PLD1: variants seen among roughly 807,000 people sequenced by gnomAD.
PLD1 encodes the protein phospholipase D1, also known as choline phosphatase 1.
PLD1 carries 112 observed loss-of-function variants against 137.1 expected under a neutral mutation model. The ratio of observed to expected loss-of-function variants is 0.82; its 90% CI spans 0.70 to 0.96. PLD1 has a LOEUF of 0.96. PLD1 is among the 40% of genes least tolerant of loss of function. PLD1 has a pLI of 0.00. For missense variants in PLD1, 1,321 were observed against 1,342.0 expected, an observed-to-expected ratio of 0.98 and a Z score of 0.24; for synonymous variants, 431 against 454.7, an observed-to-expected ratio of 0.95 and a Z score of 0.66.
At chr3:171,742,403 A>G (rs1201543159) in intron 1 of PLD1, among the ~76,000 whole-genome samples, 2 of 152,174 alleles carry the variant, frequency 1.3e-5, no homozygotes, top group Admixed American at 1.3e-4. Flanking sequence ...AAAGTAAAAC[A>G]ATTTTTAAAA....
intron 23 of PLD1, among the ~76,000 whole-genome samples, chr3:171,631,434 CAAGA>C (rs1429627790): frequency 6.8e-6 from 1 of 146,648 alleles, no homozygotes; most frequent in Non-Finnish European, 1.5e-5. Context: ...ATCCACATGA[CAAGA>C]AAGAGAGAGA....
At chr3:171,618,002 T>C (rs1177364971) in intron 24 of PLD1, among the ~76,000 whole-genome samples, 2 of 152,162 alleles carry the variant, frequency 1.3e-5, no homozygotes, top group Admixed American at 6.5e-5. Context: ...GTGAATGTGT[T>C]AGAACAGTAA....
intron 22 of PLD1, 141 bp downstream of exon 22, chr3:171,644,769 G>T: frequency 1.6e-6 from 1 of 620,716 alleles, no homozygotes; most frequent in Admixed American, 2.6e-5. Context: ...CTAGCAAACG[G>T]GCCAAGATTT....
intron 11 of PLD1, among the ~76,000 whole-genome samples, chr3:171,704,208 G>A (rs1716476937): frequency 6.6e-6 from 1 of 152,120 alleles, no homozygotes; most frequent in Non-Finnish European, 1.5e-5. Flanking sequence ...TCCCAGAAGG[G>A]CCACTAGGTG....
At chr3:171,730,831 G>A (rs1045469288) in intron 6 of PLD1, among the ~76,000 whole-genome samples, 13 of 152,070 alleles carry the variant, frequency 8.5e-5, no homozygotes, top group African/African-American at 3.1e-4. Context: ...TAGAGATGAG[G>A]TTTCACCATG....
chr3:171,702,989 A>G (rs2108548781), intron 11 of PLD1, among the ~76,000 whole-genome samples: 1 of 152,328 alleles, frequency 6.6e-6, no homozygotes, highest in African/African-American at 2.4e-5. Flanking sequence ...AGCAACTTAG[A>G]AAAATAATAC....
chr3:171,800,606 G>A (rs1395538352), intron 1 of PLD1, among the ~76,000 whole-genome samples: 1 of 152,224 alleles, frequency 6.6e-6, no homozygotes, highest in Non-Finnish European at 1.5e-5. Context: ...GAAGTCTGCT[G>A]TCTACATCCC....
intron 25 of PLD1, among the ~76,000 whole-genome samples, chr3:171,605,726 T>C (rs1185169792): frequency 2.0e-5 from 3 of 152,216 alleles, no homozygotes; most frequent in Non-Finnish European, 4.4e-5. Flanking sequence ...AAAAAGCACT[T>C]CCACCTTAAT....
intron 1 of PLD1, among the ~76,000 whole-genome samples, chr3:171,744,363 C>T (rs1173832017): frequency 6.6e-6 from 1 of 152,168 alleles, no homozygotes; most frequent in South Asian, 2.1e-4. Flanking sequence ...ATCACCCAGC[C>T]GCCTTTCCTG....
intron 1 of PLD1, among the ~76,000 whole-genome samples, chr3:171,794,483 T>C (rs904737633): frequency 6.6e-6 from 1 of 152,192 alleles, no homozygotes; most frequent in Non-Finnish European, 1.5e-5. Context: ...GTGCATCTTT[T>C]CCCAATTCAC....
intron 1 of PLD1, among the ~76,000 whole-genome samples, chr3:171,743,915 C>G (rs1357776991): frequency 6.6e-6 from 1 of 152,178 alleles, no homozygotes. Flanking sequence ...AATCAATGAG[C>G]TGTCCATAGA....
At chr3:171,636,328 T>C (rs1735131438) in intron 23 of PLD1, among the ~76,000 whole-genome samples, 1 of 152,090 alleles carries the variant, frequency 6.6e-6, no homozygotes, top group Non-Finnish European at 1.5e-5. Context: ...GTTGGGGTTT[T>C]GGTAGGGATT....
At position 171,603,170 on chromosome 3, in the gene PLD1, C is replaced by A; in HGVS notation, c.3133G>T (p.Val1045Leu). The change falls in exon 27 of 27, where the codon GTG becomes TTG. Residue 1045 changes from valine (V) to leucine (L), a missense_variant. Transcript: ENST00000351298. The part of the protein sequence containing the change: ...EELKKIRGFL[V>L]QFPFYFLSEE... Reference sequence around the variant, plus strand: ...GACAAGAAATAAAAGGGGAATTGCACCAAAAATCCACGGATCTTCTTCAGT... The same window carrying A: ...GACAAGAAATAAAAGGGGAATTGCAACAAAAATCCACGGATCTTCTTCAGT... 1 of 1,614,078 alleles carries A rather than the reference C, an allele frequency of 6.2e-7. No individual in the cohort carries two copies. The highest frequency in any genetic ancestry group is 8.5e-7 in the Non-Finnish European group (1 of 1,179,982).
intron 6 of PLD1, among the ~76,000 whole-genome samples, chr3:171,731,781 A>C (rs2108254960): frequency 6.6e-6 from 1 of 152,296 alleles, no homozygotes; most frequent in African/African-American, 2.4e-5. Context: ...CAAAAAAGAA[A>C]AAAAAAAGAA....
chr3:171,718,052 A>T (rs1342421811), intron 8 of PLD1, among the ~76,000 whole-genome samples: 2 of 152,238 alleles, frequency 1.3e-5, no homozygotes, highest in Non-Finnish European at 2.9e-5. Context: ...ATGTTGAACC[A>T]TATAGAGAAG....
chr3:171,728,599 A>T (rs1718710184), intron 6 of PLD1, among the ~76,000 whole-genome samples: 2 of 152,236 alleles, frequency 1.3e-5, no homozygotes, highest in African/African-American at 4.8e-5. Context: ...TAACTAACTT[A>T]TGCAAAGTCC....
At chr3:171,749,105 G>T (rs902495717) in intron 1 of PLD1, among the ~76,000 whole-genome samples, 13 of 152,112 alleles carry the variant, frequency 8.5e-5, no homozygotes, top group African/African-American at 3.1e-4. Flanking sequence ...AATTGTAATT[G>T]TTTTAAGAAA....
intron 8 of PLD1, among the ~76,000 whole-genome samples, chr3:171,724,346 T>C (rs59614912): frequency 0.33 from 49,766 of 152,090 alleles, 8,714 homozygotes; most frequent in African/African-American, 0.4. Flanking sequence ...GCCATCCTTA[T>C]GGGTGTGAAA....
chr3:171,688,828 G>A lies in PLD1; in HGVS notation c.1387C>T (p.His463Tyr), dbSNP rs748727583. The change falls in exon 14 of 27, where the codon CAC becomes TAC. Residue 463 changes from histidine (H) to tyrosine (Y), a missense_variant. Physicochemically the swap from His to Tyr is moderately conservative, Grantham distance 83. Coordinates refer to ENST00000351298, the MANE Select transcript of PLD1 (RefSeq NM_002662.5). Reference protein sequence around the residue: ...HVSSTVYLWAHHEKLVIIDQS... With the variant: ...HVSSTVYLWAYHEKLVIIDQS... ...TCAATGATGACAAGCTTCTCATGGTGAGCCCACAAATAGACGGTGGATGAC... is the reference window on the plus strand; with the variant it reads ...TCAATGATGACAAGCTTCTCATGGTAAGCCCACAAATAGACGGTGGATGAC... 4.3e-6 allele frequency: 7 copies of A among 1,614,044 alleles called. No homozygotes were observed. The East Asian group carries it at 8.9e-5, about 21-fold the overall frequency.
Sources: allele counts gnomAD v4.1 joint callset (sites outside exome capture counted in the v4.1 genomes callset), GRCh38; gene constraint gnomAD v4.1.1; transcripts MANE v1.5; gene names NCBI Gene and HGNC (gene_info 2026-07-23, HGNC 2026-07-21).